Variants in STK3 observed in about 807,000 individuals in gnomAD.
The protein encoded by STK3 is serine/threonine-protein kinase 3.
A neutral mutation model predicts 58.0 loss-of-function variants in STK3; 41 were observed. That is an observed-to-expected ratio of 0.71 (90% CI 0.55 to 0.92). The LOEUF (loss-of-function observed/expected upper bound fraction) is 0.92, where lower values mean the gene tolerates loss of function less well. STK3 is among the 40% of genes least tolerant of loss of function. The pLI, the probability that STK3 is intolerant of heterozygous loss-of-function variation, is 0.00. For missense variants in STK3, 479 were observed against 602.7 expected, an observed-to-expected ratio of 0.79 and a Z score of 2.15; for synonymous variants, 170 against 191.0, an observed-to-expected ratio of 0.89 and a Z score of 0.91.
chr8:98,439,802 T>C (rs992657561), intron 1 of STK3, among the ~76,000 whole-genome samples: 2 of 152,178 alleles, frequency 1.3e-5, no homozygotes, highest in Non-Finnish European at 2.9e-5. Flanking sequence ...TGTGGCCAGC[T>C]CAGCACAATG....
intron 1 of STK3, among the ~76,000 whole-genome samples, chr8:98,888,316 C>T (rs558565673): frequency 6.6e-6 from 1 of 152,078 alleles, no homozygotes; most frequent in East Asian, 1.9e-4. Context: ...GAGACTCTGT[C>T]TCAAAAATAA....
In STK3 at chr8:98,714,720, T is replaced by C. The variant is rs1043353349; in HGVS notation, c.352-7409A>G. On this transcript the variant is annotated intron_variant, in intron 4 of 10. Coordinates refer to ENST00000419617, the MANE Select transcript of STK3 (RefSeq NM_006281.4). ...TGGCCATACTGTCCAAGGTAATTTA[T>C]AGATTCAATGCCATCCCCATCAAGC... is the stretch of plus-strand genomic sequence containing the variant. Among the ~76,000 whole-genome samples the C allele has an allele frequency of 2.6e-5, 4 of 152,310 alleles. 1 individual carries two copies. The highest frequency in any genetic ancestry group is 7.2e-5 in the African/African-American group (3 of 41,574).
chr8:98,877,566 T>C (rs143730527), intron 3 of STK3, among the ~76,000 whole-genome samples: 11,867 of 152,032 alleles, frequency 0.078, 508 homozygotes, highest in South Asian at 0.1. Context: ...TCACCACAAC[T>C]TCCGCCTCCC....
intron 3 of STK3, among the ~76,000 whole-genome samples, chr8:98,840,525 C>T (rs1285452323): frequency 7.0e-6 from 1 of 143,128 alleles, no homozygotes; most frequent in African/African-American, 2.6e-5. Context: ...TGAGCATGAT[C>T]ACACCACTGC....
chr8:98,462,711 A>C (rs544866587), intron 10 of STK3, among the ~76,000 whole-genome samples: 1 of 152,354 alleles, frequency 6.6e-6, no homozygotes, highest in South Asian at 2.1e-4. Context: ...ATTTTCATTC[A>C]CATCTTGAAT....
At chr8:98,370,471 C>G (rs79867754), downstream of STK3, among the ~76,000 whole-genome samples, 1,538 of 151,922 alleles carry the variant, frequency 0.01, 13 homozygotes, top group Non-Finnish European at 0.015. Flanking sequence ...TCAGAACAGA[C>G]TCATCTTATG....
At chr8:98,695,658 G>A (rs975713153) in intron 6 of STK3, among the ~76,000 whole-genome samples, 1 of 152,134 alleles carries the variant, frequency 6.6e-6, no homozygotes, top group Non-Finnish European at 1.5e-5. Context: ...GATAGTTGTA[G>A]ATATGAAGCA....
At chr8:98,621,863 C>A (rs1818351284) in intron 6 of STK3, among the ~76,000 whole-genome samples, 1 of 151,478 alleles carries the variant, frequency 6.6e-6, no homozygotes, top group Non-Finnish European at 1.5e-5. Context: ...TCCGTATGGC[C>A]AGATGATACA....
At chr8:98,464,561 A>AAAAG (rs1563628531) in intron 10 of STK3, among the ~76,000 whole-genome samples, 7 of 149,132 alleles carry the variant, frequency 4.7e-5, no homozygotes, top group African/African-American at 1.7e-4. Flanking sequence ...AAAAAAAAAA[A>AAAAG]AAAGAAAGAA....
At chr8:98,863,731 A>G (rs2131857026) in intron 3 of STK3, among the ~76,000 whole-genome samples, 1 of 152,322 alleles carries the variant, frequency 6.6e-6, no homozygotes, top group African/African-American at 2.4e-5. Flanking sequence ...AGAAACAACC[A>G]TTTAACTATG....
chr8:98,547,863 A>G, intron 9 of STK3, 106 bp downstream of exon 9: 1 of 1,082,844 alleles, frequency 9.2e-7, no homozygotes, highest in Non-Finnish European at 1.2e-6. Context: ...TAAGAAACAA[A>G]ATTTTCCACA....
chr8:98,658,617 G>T (rs1318712013), intron 6 of STK3, among the ~76,000 whole-genome samples: 2 of 151,486 alleles, frequency 1.3e-5, no homozygotes, highest in East Asian at 3.9e-4. Context: ...TCTTGCTGAC[G>T]CTTCCCTTCT....
intron 3 of STK3, among the ~76,000 whole-genome samples, chr8:98,762,925 C>T (rs1033921283): frequency 2.0e-5 from 3 of 152,184 alleles, no homozygotes; most frequent in African/African-American, 7.2e-5. Flanking sequence ...GTTCTTATTG[C>T]ATCTCAGTCA....
intron 7 of STK3, among the ~76,000 whole-genome samples, chr8:98,589,826 A>C (rs1284919378): frequency 6.6e-6 from 1 of 152,232 alleles, no homozygotes; most frequent in Non-Finnish European, 1.5e-5. Flanking sequence ...GCCCGTCGGA[A>C]AAGTGCAGTA....
chr8:98,644,314 T>G lies in STK3; in HGVS notation c.685-48145A>C, dbSNP rs572431160. On this transcript the variant is annotated intron_variant, in intron 6 of 10. Transcript: ENST00000419617. ...ATGAAACCGAACTTGTATAGACACA[T>G]CTTTTAGCTCTCATTTCAATAAACT... Among the ~76,000 whole-genome samples the G allele has an allele frequency of 3.3e-5, 5 of 152,326 alleles. No individual in the cohort carries two copies. In the East Asian group the frequency reaches 9.6e-4, roughly 29 times the overall value.
chr8:98,363,633 C>T, the STK3 span, among the ~76,000 whole-genome samples: 2 of 152,212 alleles, frequency 1.3e-5, no homozygotes, highest in East Asian at 3.8e-4. Context: ...CAGCTCCAGT[C>T]CTCAAGGAAC....
intron 1 of STK3, among the ~76,000 whole-genome samples, chr8:98,380,030 G>A (rs916843237): frequency 2.6e-4 from 40 of 152,310 alleles, no homozygotes; most frequent in African/African-American, 8.9e-4. Context: ...ACCATGCTAA[G>A]AGAAACAAAC....
intron 6 of STK3, among the ~76,000 whole-genome samples, chr8:98,698,368 A>G (rs1825189582): frequency 6.6e-6 from 1 of 151,832 alleles, no homozygotes; most frequent in Admixed American, 6.6e-5. Flanking sequence ...TTTACATTTA[A>G]AGTTAATATT....
At chr8:98,938,278 G>A (rs1840268203) in intron 1 of STK3, among the ~76,000 whole-genome samples, 1 of 152,204 alleles carries the variant, frequency 6.6e-6, no homozygotes. Flanking sequence ...CTGGAGGGAA[G>A]CAAATGGTCC....
Sources: allele counts gnomAD v4.1 joint callset (sites outside exome capture counted in the v4.1 genomes callset), GRCh38; gene constraint gnomAD v4.1.1; transcripts MANE v1.5; gene names NCBI Gene and HGNC (gene_info 2026-07-23, HGNC 2026-07-21).